Variants in COG1 observed in about 807,000 individuals in gnomAD.
COG1 encodes the protein conserved oligomeric Golgi complex subunit 1.
In COG1, 61 loss-of-function variants were observed where a neutral mutation model predicts 102.2. The observed-to-expected ratio is 0.60, with a 90% CI of 0.49 to 0.74. The LOEUF is 0.74. Among genes scored for constraint, COG1 ranks in the 30% least tolerant of loss-of-function variants. The pLI is 0.00. For synonymous variants in COG1, 454 were observed against 493.6 expected (o/e 0.92, Z 1.06); for missense variants, 1,164 against 1,232.1 (o/e 0.94, Z 0.83).
chr17:73,199,872 C>T lies in COG1; in HGVS notation c.921C>T (p.Gly307=). ...TITGQHPAGK[G]TGVLQEEMKL... Reference sequence around the variant, plus strand: ...ACTTGGCCTTCTCTTTAGGAAAGGGCACTGGTGTCCTGCAGGAAGAGATGA... The same window carrying T: ...ACTTGGCCTTCTCTTTAGGAAAGGGTACTGGTGTCCTGCAGGAAGAGATGA... Residue 307 remains glycine, a synonymous_variant, in exon 5 of 14, where the codon GGC becomes GGT. Transcript: ENST00000299886. 5.0e-6 allele frequency: 8 copies of T among 1,614,186 alleles called. No individual in the cohort carries two copies. Among genetic ancestry groups the T allele is most frequent in the Non-Finnish European group, 6.8e-6 (8 of 1,180,040 alleles).
intron 1 of COG1, 56 bp downstream of exon 1, chr17:73,193,440 C>T: frequency 7.2e-7 from 1 of 1,379,608 alleles, no homozygotes; most frequent in Non-Finnish European, 9.3e-7. Context: ...AGCCCCTGGC[C>T]TTGCAGGTCA....
chr17:73,206,970 A>G (rs921799943), intron 12 of COG1, 153 bp downstream of exon 12: 47 of 718,612 alleles, frequency 6.5e-5, no homozygotes, highest in Non-Finnish European at 1.0e-4. Flanking sequence ...GCAGGTGCCT[A>G]TAGTCCCAGC....
chr17:73,207,147 T>C, intron 12 of COG1, 34 bp from the exon 13 acceptor site: 1 of 1,576,676 alleles, frequency 6.3e-7, no homozygotes, highest in South Asian at 1.1e-5. Flanking sequence ...AGCTGCCTGT[T>C]TGTGCTACTA....
Position 73,207,227 on chromosome 17 carries a change from T to C in COG1, c.2776T>C (p.Ser926Pro). The change falls in exon 13 of 14, where the codon TCA (serine) becomes CCA (proline). Residue 926 changes from serine to proline, a missense_variant. Ser to Pro is a moderately conservative substitution (Grantham distance 74). Transcript: ENST00000299886. ...LSMTSTRKAK[S>P]TRNIETKAQV... is the part of the protein sequence containing the mutation. ...CATGACAAGCACTCGAAAGGCTAAATCAACCAGAAACATCGAAACAAAAGC... is the reference window on the plus strand; with the variant it reads ...CATGACAAGCACTCGAAAGGCTAAACCAACCAGAAACATCGAAACAAAAGC... 6.8e-6 allele frequency: 11 copies of C among 1,613,378 alleles called. No individual in the cohort carries two copies. Among genetic ancestry groups the C allele is most frequent in the Non-Finnish European group, 9.3e-6 (11 of 1,179,820 alleles).
At position 73,193,078 on chromosome 17, in the gene COG1, C is replaced by T. The variant is rs139516400; in HGVS notation, c.9C>T (p.Thr3=). 23 of 1,611,894 alleles carry T rather than the reference C, an allele frequency of 1.4e-5. No homozygotes were observed. The highest frequency in any genetic ancestry group is 3.3e-4 in the Middle Eastern group (2 of 5,976). ...GGGCTGACGAGTGCACCATGGCCAC[C>T]GCGGCAACCTCACCCGCGCTGAAGC... is the stretch of plus-strand genomic sequence containing the variant. MA[T]AATSPALKRL... is the part of the protein sequence containing the mutation. Residue 3 remains threonine (T), a synonymous_variant, in exon 1 of 14, where the codon ACC becomes ACT. Coordinates refer to ENST00000299886, the MANE Select transcript of COG1 (RefSeq NM_018714.3).
intron 11 of COG1, 130 bp downstream of exon 11, chr17:73,206,392 T>C: frequency 1.3e-6 from 1 of 796,944 alleles, no homozygotes; most frequent in East Asian, 2.6e-5. Flanking sequence ...AATAGCCGAG[T>C]GTAGTTATAA....
rs762030507 is a variant in COG1 at position 73,201,401 on chromosome 17, T to G, written c.1574T>G (p.Leu525Arg). The G allele has an allele frequency of 6.2e-7, 1 of 1,614,098 alleles. No individual in the cohort carries two copies. Among genetic ancestry groups the G allele is most frequent in the African/African-American group, 1.3e-5 (1 of 74,942 alleles). The change falls in exon 7 of 14, where the codon CTG becomes CGG. Residue 525 changes from leucine (L) to arginine (R), a missense_variant. Physicochemically the swap from Leu to Arg is moderately radical, Grantham distance 102. Transcript: ENST00000299886. ...QNFCSALDSK[L>R]KVKLDDLLAY... The stretch of plus-strand genomic sequence containing the variant: ...TTCTGTTCTGCCCTGGATTCTAAGC[T>G]GAAGGTTAAACTAGATGACCTCCTG...
intron 13 of COG1, chr17:73,207,660 CA>C: frequency 7.7e-7 from 1 of 1,294,898 alleles, no homozygotes; most frequent in Non-Finnish European, 1.0e-6. Flanking sequence ...TTTGTTTCCC[CA>C]AAAGTTTGAC....
intron 1 of COG1, among the ~76,000 whole-genome samples, chr17:73,196,259 G>A (rs1177279870): frequency 2.6e-5 from 4 of 152,276 alleles, no homozygotes; most frequent in East Asian, 1.9e-4. Flanking sequence ...GGTGGGAGAC[G>A]AAAGTTTGCC....
intron 5 of COG1, 104 bp from the exon 6 acceptor site, chr17:73,200,462 G>A: frequency 9.8e-7 from 1 of 1,019,984 alleles, no homozygotes; most frequent in East Asian, 2.4e-5. Context: ...TTTATCTACT[G>A]GAACTCAGAT....
Position 73,193,171 on chromosome 17 carries a change from G to C in COG1, c.102G>C (p.Glu34Asp). The change falls in exon 1 of 14, where the codon GAG becomes GAC. Residue 34 changes from glutamate to aspartate, a missense_variant. By Grantham distance (45) the Glu-to-Asp change is conservative. Coordinates refer to ENST00000299886, the MANE Select transcript of COG1 (RefSeq NM_018714.3). ...GAGCGGAGGAGATCCGCGGGCTGGA[G>C]CGCCAGGTTCGGGCCGAGATCGAGC... ...THGAEEIRGL[E>D]RQVRAEIEHK... 2 of 1,608,210 alleles carry C rather than the reference G, an allele frequency of 1.2e-6. No homozygotes were observed.
At chr17:73,205,511 G>C (rs1568298301) in intron 9 of COG1, 42 bp from the exon 10 acceptor site, 1 of 1,612,430 alleles carries the variant, frequency 6.2e-7, no homozygotes, top group Admixed American at 1.7e-5. Context: ...CACATACCAA[G>C]TCCTCTCTCT....
chr17:73,206,638 CTTTTT>C (rs75205063), intron 11 of COG1, 65 bp from the exon 12 acceptor site: 174 of 819,896 alleles, frequency 2.1e-4, no homozygotes, highest in Non-Finnish European at 2.4e-4. Flanking sequence ...GGTGACTAAC[CTTTTT>C]TTTTTTTTTT....
rs2061311380 is a variant in COG1 at position 73,193,515 on chromosome 17, C to CCGCCCCTCACCCTTTGGG, written c.315+133_315+150dup. 5.0e-5 allele frequency: 42 copies of CCGCCCCTCACCCTTTGGG among 839,458 alleles called. No individual in the cohort carries two copies. In the South Asian group the frequency reaches 9.7e-4, roughly 19 times the overall value. The allele number at this position is 839,458 out of a possible 1,614,324, so 52.0% of individuals were successfully genotyped here. ...TCACCTTCCTTAGCCAGGAGCCTAT[C>CCGCCCCTCACCCTTTGGG]CGCCCCTCACCCTTTGGGCCCCCCT... On this transcript the variant is annotated intron_variant, in intron 1 of 13. Coordinates refer to ENST00000299886, the MANE Select transcript of COG1 (RefSeq NM_018714.3).
At chr17:73,208,087 T>G in intron 13 of COG1, 2 of 1,431,794 alleles carry the variant, frequency 1.4e-6, no homozygotes, top group Non-Finnish European at 1.8e-6. Context: ...TCTACCCTTT[T>G]CCCAAGACAG....
At chr17:73,207,141 G>GC in intron 12 of COG1, 40 bp from the exon 13 acceptor site, 1 of 1,488,348 alleles carries the variant, frequency 6.7e-7, no homozygotes, top group Non-Finnish European at 9.3e-7. Context: ...CCCCAGAGCT[G>GC]CCTGTTTGTG....
In COG1 at chr17:73,203,722, G is replaced by GAGATGCTGA; in HGVS notation, c.2313_2321dup (p.Met772_Lys774dup). ...TGCCTTGCCAAAGGTGACATTACAG[G>GAGATGCTGA]AGATGCTGAAAAGCTGTATGGTTCA... On this transcript the variant is annotated inframe_insertion, in exon 9 of 14. Transcript: ENST00000299886. 1 of 1,614,214 alleles carries GAGATGCTGA rather than the reference G, an allele frequency of 6.2e-7. No individual in the cohort carries two copies. Among genetic ancestry groups the GAGATGCTGA allele is most frequent in the Non-Finnish European group, 8.5e-7 (1 of 1,180,038 alleles).
At chr17:73,207,493 A>G (rs2061383602) in intron 13 of COG1, 2 of 635,688 alleles carry the variant, frequency 3.1e-6, no homozygotes, top group African/African-American at 3.7e-5. Flanking sequence ...TGTAGAAAAT[A>G]TACAGGACAG....
In COG1 at chr17:73,201,111, T is replaced by A. The variant is rs775282875; in HGVS notation, c.1284T>A (p.Thr428=). ...MQQLFLDRLQ[T]LTKEGFDSIS... ...ACTCTTCTCTCATTCTCTTTTAGACTCTGACAAAAGAAGGCTTTGACTCCA... is the reference window on the plus strand; with the variant it reads ...ACTCTTCTCTCATTCTCTTTTAGACACTGACAAAAGAAGGCTTTGACTCCA... Residue 428 remains threonine, a splice_region_variant and synonymous_variant, in exon 7 of 14, where the codon ACT becomes ACA. Transcript: ENST00000299886. The A allele has an allele frequency of 6.2e-7, 1 of 1,613,758 alleles. No individual in the cohort carries two copies. Among genetic ancestry groups the A allele is most frequent in the Admixed American group, 1.7e-5 (1 of 60,020 alleles).
Sources: allele counts gnomAD v4.1 joint callset (sites outside exome capture counted in the v4.1 genomes callset), GRCh38; gene constraint gnomAD v4.1.1; transcripts MANE v1.5; gene names NCBI Gene and HGNC (gene_info 2026-07-23, HGNC 2026-07-21).